GPC6: variants seen among roughly 807,000 people sequenced by gnomAD.
GPC6 encodes glypican 6.
A neutral mutation model predicts 55.2 loss-of-function variants in GPC6; 14 were observed. That is an observed-to-expected ratio of 0.25 (90% CI 0.17 to 0.40). The LOEUF (loss-of-function observed/expected upper bound fraction) is 0.40. GPC6 is among the 10% of genes least tolerant of loss of function. GPC6 has a pLI of 1.00. For missense variants in GPC6, 641 were observed against 708.5 expected (o/e 0.90, Z 1.08); for synonymous variants, 278 against 259.6 (o/e 1.07, Z -0.68).
chr13:93,977,523 G>GTGGTGTA (rs1880581722), intron 3 of GPC6, among the ~76,000 whole-genome samples: 5 of 145,440 alleles, frequency 3.4e-5, no homozygotes, highest in African/African-American at 1.3e-4. Flanking sequence ...TGTGTGGTGT[G>GTGGTGTA]TCTTTATTTG....
At chr13:93,397,215 A>G (rs1003596806) in intron 1 of GPC6, among the ~76,000 whole-genome samples, 6 of 152,220 alleles carry the variant, frequency 3.9e-5, no homozygotes, top group African/African-American at 1.4e-4. Flanking sequence ...CACATCCTGT[A>G]CAGTTCACAC....
At chr13:93,519,681 G>A (rs73539681) in intron 1 of GPC6, among the ~76,000 whole-genome samples, 1 of 152,054 alleles carries the variant, frequency 6.6e-6, no homozygotes, top group African/African-American at 2.4e-5. Flanking sequence ...CTGGGAGGCG[G>A]ATGACACTCC....
chr13:94,300,571 G>A (rs1207869520), intron 5 of GPC6, among the ~76,000 whole-genome samples: 3 of 152,178 alleles, frequency 2.0e-5, no homozygotes, highest in Non-Finnish European at 4.4e-5. Context: ...TTAAGAGAGA[G>A]GATTCATGAG....
intron 4 of GPC6, among the ~76,000 whole-genome samples, chr13:94,168,706 A>AAT (rs1888454910): frequency 6.8e-6 from 1 of 148,072 alleles, no homozygotes. Context: ...TATATTTATA[A>AAT]ATATATATAA....
chr13:93,587,850 A>G (rs538460523), intron 2 of GPC6, among the ~76,000 whole-genome samples: 2 of 152,306 alleles, frequency 1.3e-5, no homozygotes, highest in East Asian at 3.9e-4. Context: ...TAGGGAACAC[A>G]TAATGCGTTT....
chr13:93,318,493 TTATCTC>T (rs1390756298), intron 1 of GPC6, among the ~76,000 whole-genome samples: 2 of 152,120 alleles, frequency 1.3e-5, no homozygotes, highest in African/African-American at 4.8e-5. Flanking sequence ...GCAAATATGT[TTATCTC>T]TATACCCTCC....
chr13:93,626,251 C>T lies in GPC6; in HGVS notation c.319+80830C>T, dbSNP rs534420809. On this transcript the variant is annotated intron_variant, in intron 2 of 8. Coordinates refer to ENST00000377047, the MANE Select transcript of GPC6 (RefSeq NM_005708.5). ...TCAATACAAAATATTAAATATGAGA[C>T]GTCTTGTTTCAGAATTATTAAGGAT... 7.2e-5 allele frequency among the ~76,000 whole-genome samples: 11 copies of T among 152,222 alleles called. No homozygotes were observed. In the South Asian group the frequency reaches 1.5e-3, roughly 20 times the overall value.
At chr13:93,823,861 T>C (rs1324474799) in intron 2 of GPC6, among the ~76,000 whole-genome samples, 7 of 152,130 alleles carry the variant, frequency 4.6e-5, no homozygotes, top group Non-Finnish European at 8.8e-5. Flanking sequence ...GTTGAGTAAA[T>C]AATAATACTT....
chr13:93,227,662 C>G lies in GPC6; in HGVS notation c.160+46C>G, dbSNP rs1015939354. The G allele has an allele frequency of 2.7e-6, 4 of 1,494,940 alleles. No individual in the cohort carries two copies. The highest frequency in any genetic ancestry group is 2.0e-5 in the Admixed American group (1 of 51,222). The allele number at this position is 1,494,940 out of a possible 1,614,324, so 92.6% of individuals were successfully genotyped here. A position where few individuals can be genotyped will look rare whatever the true frequency, so the allele number is the denominator to read the frequency against. On this transcript the variant is annotated intron_variant, in intron 1 of 8. Transcript: ENST00000377047. This position sits in a 1 kb window ranked among gnomAD's most constrained non-coding sequence, Gnocchi z 4.3. ...GGGGCAGGCTGCAGCCCTCGGCTGC[C>G]GCACGTCCCACTGGCCGCCCGGCGT... is the stretch of plus-strand genomic sequence containing the variant.
intron 2 of GPC6, among the ~76,000 whole-genome samples, chr13:93,702,894 T>G (rs919152138): frequency 2.0e-5 from 3 of 152,034 alleles, no homozygotes; most frequent in Non-Finnish European, 4.4e-5. Context: ...TGGTTTGATC[T>G]TCTATCCAGA....
chr13:93,555,318 T>C (rs1008906323), intron 2 of GPC6, among the ~76,000 whole-genome samples: 1 of 152,198 alleles, frequency 6.6e-6, no homozygotes, highest in Non-Finnish European at 1.5e-5. Flanking sequence ...TCTAAGCTCA[T>C]TAAGTTCAGA....
chr13:94,238,244 G>A (rs1174945321), intron 4 of GPC6, among the ~76,000 whole-genome samples: 1 of 152,156 alleles, frequency 6.6e-6, no homozygotes. Context: ...GAGATCACAA[G>A]TAGAAATCTG....
chr13:93,456,219 C>T (rs1878447704), intron 1 of GPC6, among the ~76,000 whole-genome samples: 1 of 152,070 alleles, frequency 6.6e-6, no homozygotes, highest in South Asian at 2.1e-4. Flanking sequence ...AAAGCTTCAG[C>T]ATTCATAATT....
chr13:94,160,806 T>C (rs1888134118), intron 4 of GPC6, among the ~76,000 whole-genome samples: 1 of 152,206 alleles, frequency 6.6e-6, no homozygotes, highest in South Asian at 2.1e-4. Flanking sequence ...AAAACAAATT[T>C]GTCAATTATT....
At chr13:94,165,038 A>G (rs955473774) in intron 4 of GPC6, among the ~76,000 whole-genome samples, 2 of 151,682 alleles carry the variant, frequency 1.3e-5, no homozygotes, top group African/African-American at 4.8e-5. Flanking sequence ...CAGCATCCCC[A>G]CTCCTGGGTA....
intron 1 of GPC6, among the ~76,000 whole-genome samples, chr13:93,497,583 TCACAGAA>T (rs1414354715): frequency 1.3e-5 from 2 of 152,214 alleles, no homozygotes; most frequent in Non-Finnish European, 2.9e-5. Flanking sequence ...TGGCCATTTA[TCACAGAA>T]AATGAAGGCT....
At chr13:93,912,551 G>A (rs1410611031) in intron 3 of GPC6, among the ~76,000 whole-genome samples, 12 of 152,044 alleles carry the variant, frequency 7.9e-5, no homozygotes, top group Non-Finnish European at 1.2e-4. Flanking sequence ...AGACCATCCT[G>A]GCTAACACGG....
intron 2 of GPC6, among the ~76,000 whole-genome samples, chr13:93,736,936 C>T (rs1884025155): frequency 6.6e-6 from 1 of 152,106 alleles, no homozygotes; most frequent in African/African-American, 2.4e-5. Context: ...GCCACAATTT[C>T]CTATTAAGCT....
intron 1 of GPC6, among the ~76,000 whole-genome samples, chr13:93,324,815 T>A (rs971983606): frequency 4.0e-5 from 6 of 151,826 alleles, no homozygotes; most frequent in African/African-American, 1.5e-4. Context: ...AATGAGTAAA[T>A]GTTAAGAGAT....
Sources: gnomAD v4.1 joint callset for allele counts (sites outside exome capture counted in the v4.1 genomes callset) on GRCh38, gnomAD v4.1.1 for gene constraint, Gnocchi (gnomAD v3.1) non-coding constraint, MANE v1.5 for transcripts, NCBI Gene and HGNC (gene_info 2026-07-23, HGNC 2026-07-21) for gene names.